The following ROBO1 variants were observed in gnomAD, a reference collection of about 807,000 sequenced individuals.
The protein encoded by ROBO1 is roundabout homolog 1.
ROBO1 carries 149 observed loss-of-function variants against 195.9 expected under a neutral mutation model. The ratio of observed to expected loss-of-function variants is 0.76; its 90% CI spans 0.67 to 0.87. The LOEUF is 0.87. Among genes scored for constraint, ROBO1 ranks in the 40% least tolerant of loss-of-function variants. ROBO1 has a pLI of 0.00. For synonymous variants in ROBO1, 816 were observed against 733.2 expected (o/e 1.11, Z -1.82); for missense variants, 1,933 against 2,068.3 (o/e 0.93, Z 1.27).
intron 3 of ROBO1, among the ~76,000 whole-genome samples, chr3:78,976,135 CAT>C (rs944397579): frequency 7.9e-5 from 12 of 152,286 alleles, no homozygotes; most frequent in Non-Finnish European, 1.2e-4. Context: ...GTGCAATACA[CAT>C]GTTAGAACTG....
At chr3:79,591,440 T>C (rs1419803742) in intron 1 of ROBO1, among the ~76,000 whole-genome samples, 2 of 151,836 alleles carry the variant, frequency 1.3e-5, no homozygotes, top group Non-Finnish European at 2.9e-5. Flanking sequence ...GGAGATTATT[T>C]CCTCTCTCTA....
At chr3:78,851,449 C>G (rs1288756032) in intron 4 of ROBO1, among the ~76,000 whole-genome samples, 3 of 152,184 alleles carry the variant, frequency 2.0e-5, no homozygotes, top group Non-Finnish European at 4.4e-5. Context: ...AGTCGGGACT[C>G]TAACTAACCA....
intron 3 of ROBO1, among the ~76,000 whole-genome samples, chr3:79,052,153 C>CT (rs2078712180): frequency 6.6e-6 from 1 of 152,010 alleles, no homozygotes; most frequent in Non-Finnish European, 1.5e-5. Context: ...TCACTGAATT[C>CT]TTTTTCTCAG....
intron 4 of ROBO1, among the ~76,000 whole-genome samples, chr3:78,772,223 A>G (rs2083393830): frequency 6.6e-6 from 1 of 152,068 alleles, no homozygotes; most frequent in African/African-American, 2.4e-5. Context: ...TTACCATTTT[A>G]AAGATAATTT....
At chr3:78,898,132 T>A (rs766805801) in intron 4 of ROBO1, among the ~76,000 whole-genome samples, 1 of 149,486 alleles carries the variant, frequency 6.7e-6, no homozygotes, top group Non-Finnish European at 1.5e-5. Context: ...ATATTTTAAG[T>A]TCTAAAACAT....
At chr3:79,014,872 TAAAG>T (rs1180877263) in intron 3 of ROBO1, among the ~76,000 whole-genome samples, 4 of 152,244 alleles carry the variant, frequency 2.6e-5, no homozygotes, top group Non-Finnish European at 5.9e-5. Context: ...TGATAATAAA[TAAAG>T]ATTCAACCAC....
chr3:78,831,781 T>C (rs1048080974), intron 4 of ROBO1, among the ~76,000 whole-genome samples: 11 of 152,200 alleles, frequency 7.2e-5, no homozygotes, highest in Middle Eastern at 3.2e-3. Context: ...AAGCAAAGGA[T>C]GAGCAAAGTC....
intron 1 of ROBO1, among the ~76,000 whole-genome samples, chr3:79,592,248 T>A (rs9810164): frequency 0.28 from 42,463 of 151,712 alleles, 7,993 homozygotes; most frequent in African/African-American, 0.54. Context: ...TTATAAGAAA[T>A]TAAACCTGAA....
At chr3:79,652,438 T>C (rs1267052280) in intron 1 of ROBO1, among the ~76,000 whole-genome samples, 1 of 152,126 alleles carries the variant, frequency 6.6e-6, no homozygotes, top group East Asian at 1.9e-4. Flanking sequence ...ACCTAGAAGA[T>C]TACCTAAAAT....
intron 1 of ROBO1, among the ~76,000 whole-genome samples, chr3:79,621,065 C>T (rs771805227): frequency 1.3e-5 from 2 of 152,236 alleles, no homozygotes; most frequent in Non-Finnish European, 2.9e-5. Flanking sequence ...ATCAAACATG[C>T]TTTCTTTACT....
intron 5 of ROBO1, among the ~76,000 whole-genome samples, chr3:78,722,785 T>C (rs2082073815): frequency 6.6e-6 from 1 of 152,116 alleles, no homozygotes. Flanking sequence ...TACTTTTTAT[T>C]ATATATGTGT....
At chr3:79,353,436 G>A (rs966139680) in intron 2 of ROBO1, among the ~76,000 whole-genome samples, 3 of 150,436 alleles carry the variant, frequency 2.0e-5, no homozygotes, top group African/African-American at 7.3e-5. Context: ...CACACGCACA[G>A]AAGCACACAT....
rs186315745 is a variant in ROBO1, at chr3:79,414,188, T to C, written c.88+175636A>G. ...TCACACATTATATTAACAGTCTCTC[T>C]CTCTCTCTCTTTCTCTCTCTCTCTC... On this transcript the variant is annotated intron_variant, in intron 2 of 30. Transcript: ENST00000464233. Among the ~76,000 whole-genome samples the C allele has an allele frequency of 1.7e-4, 26 of 151,866 alleles. No homozygotes were observed. In the East Asian group the frequency reaches 4.8e-3, roughly 28 times the overall value.
chr3:79,605,304 G>A (rs531709609), intron 1 of ROBO1, among the ~76,000 whole-genome samples: 4 of 149,748 alleles, frequency 2.7e-5, no homozygotes, highest in African/African-American at 7.5e-5. Context: ...TCTGTAAAGC[G>A]GCAGTCCTGG....
At chr3:79,039,992 A>T in intron 3 of ROBO1, among the ~76,000 whole-genome samples, 1 of 152,148 alleles carries the variant, frequency 6.6e-6, no homozygotes, top group East Asian at 1.9e-4. Flanking sequence ...CTCAATACAT[A>T]ACCATCATTA....
chr3:79,645,659 T>C (rs1159992617), intron 1 of ROBO1, among the ~76,000 whole-genome samples: 2 of 152,088 alleles, frequency 1.3e-5, no homozygotes, highest in Non-Finnish European at 2.9e-5. Flanking sequence ...AGACCCCTAA[T>C]AGCCAAAGCA....
intron 1 of ROBO1, among the ~76,000 whole-genome samples, chr3:79,657,125 C>T (rs946200601): frequency 5.3e-5 from 8 of 152,016 alleles, no homozygotes; most frequent in African/African-American, 7.2e-5. Flanking sequence ...GAAGTATTCT[C>T]ATCTCTGTTA....
chr3:79,519,483 G>C (rs748307994), intron 2 of ROBO1, among the ~76,000 whole-genome samples: 1 of 151,714 alleles, frequency 6.6e-6, no homozygotes, highest in Non-Finnish European at 1.5e-5. Context: ...CAAAAAATTA[G>C]CCGGGCGTGG....
intron 1 of ROBO1, among the ~76,000 whole-genome samples, chr3:79,636,994 G>A (rs1205879229): frequency 2.0e-5 from 3 of 152,148 alleles, no homozygotes; most frequent in Non-Finnish European, 4.4e-5. Flanking sequence ...TATTAAACAT[G>A]AAACAGAAAG....
Sources: allele counts gnomAD v4.1 joint callset (sites outside exome capture counted in the v4.1 genomes callset), GRCh38; gene constraint gnomAD v4.1.1; transcripts MANE v1.5; gene names NCBI Gene and HGNC (gene_info 2026-07-23, HGNC 2026-07-21).